PSD3: variants seen among roughly 807,000 people sequenced by gnomAD.
The protein encoded by PSD3 is PH and SEC7 domain-containing protein 3.
PSD3 carries 49 observed loss-of-function variants against 105.5 expected under a neutral mutation model. The ratio of observed to expected loss-of-function variants is 0.46; its 90% CI spans 0.37 to 0.59. The LOEUF is 0.59. PSD3 is among the 20% of genes least tolerant of loss of function. The pLI is 0.00. For missense variants in PSD3, 1,561 were observed against 1,263.8 expected (o/e 1.24, Z -3.57); for synonymous variants, 557 against 457.8 (o/e 1.22, Z -2.77).
intron 2 of PSD3, among the ~76,000 whole-genome samples, chr8:18,902,615 T>G (rs1819578437): frequency 6.6e-6 from 1 of 152,208 alleles, no homozygotes; most frequent in Non-Finnish European, 1.5e-5. Context: ...TGTGTTGATG[T>G]CTGGTGGAAC....
At chr8:18,638,990 A>C (rs571642635) in intron 10 of PSD3, among the ~76,000 whole-genome samples, 2 of 152,216 alleles carry the variant, frequency 1.3e-5, no homozygotes, top group South Asian at 4.1e-4. Flanking sequence ...GGCATTGACC[A>C]CTGCCCTTCC....
At chr8:18,906,643 C>T (rs1329240544) in intron 2 of PSD3, among the ~76,000 whole-genome samples, 1 of 152,078 alleles carries the variant, frequency 6.6e-6, no homozygotes, top group Non-Finnish European at 1.5e-5. Flanking sequence ...GTGGTAGTAT[C>T]ATATCCTAAA....
intron 1 of PSD3, among the ~76,000 whole-genome samples, chr8:19,024,027 T>C (rs1027906689): frequency 6.6e-6 from 1 of 152,218 alleles, no homozygotes; most frequent in African/African-American, 2.4e-5. Context: ...CCTGAAAAAT[T>C]ATCTGCATCC....
At chr8:18,843,104 G>C (rs1478106848) in intron 4 of PSD3, among the ~76,000 whole-genome samples, 1 of 152,092 alleles carries the variant, frequency 6.6e-6, no homozygotes, top group African/African-American at 2.4e-5. Flanking sequence ...AGTAGCAAGA[G>C]TTATTGCTCT....
intron 15 of PSD3, among the ~76,000 whole-genome samples, chr8:18,541,684 T>C (rs1800158174): frequency 6.6e-6 from 1 of 152,084 alleles, no homozygotes; most frequent in South Asian, 2.1e-4. Context: ...TTTCTCTCTC[T>C]TTAGAGAGAA....
chr8:18,656,170 G>A (rs1352241222), intron 9 of PSD3, among the ~76,000 whole-genome samples: 2 of 152,008 alleles, frequency 1.3e-5, no homozygotes, highest in African/African-American at 4.8e-5. Context: ...TGATTCTCTT[G>A]CTTCAGCCTC....
At chr8:18,866,009 C>A (rs757076302) in intron 4 of PSD3, among the ~76,000 whole-genome samples, 2 of 152,188 alleles carry the variant, frequency 1.3e-5, no homozygotes, top group African/African-American at 2.4e-5. Context: ...CATCTCTCGG[C>A]TTCACTTACA....
intron 15 of PSD3, 62 bp downstream of exon 15, chr8:18,556,147 T>G (rs1463335018): frequency 6.3e-7 from 1 of 1,582,376 alleles, no homozygotes; most frequent in Non-Finnish European, 8.6e-7. Flanking sequence ...AGATACCGCC[T>G]CATGGACAGA....
At chr8:18,657,810 T>C (rs1484526005) in intron 9 of PSD3, among the ~76,000 whole-genome samples, 2 of 152,234 alleles carry the variant, frequency 1.3e-5, no homozygotes, top group Non-Finnish European at 2.9e-5. Flanking sequence ...AAAGGTTCTT[T>C]AGATGCTACT....
At chr8:18,804,210 A>T (rs1336105491) in intron 6 of PSD3, 2 of 236,846 alleles carry the variant, frequency 8.4e-6, no homozygotes, top group African/African-American at 4.5e-5. Context: ...AAATGCTTCA[A>T]ATCAGAGATG....
At chr8:18,895,469 C>T (rs984492600) in intron 2 of PSD3, among the ~76,000 whole-genome samples, 1 of 152,214 alleles carries the variant, frequency 6.6e-6, no homozygotes, top group Non-Finnish European at 1.5e-5. Flanking sequence ...TTCCTATCAG[C>T]ATCTCTTGTC....
At chr8:18,778,826 A>T (rs1808338872) in intron 8 of PSD3, among the ~76,000 whole-genome samples, 1 of 152,034 alleles carries the variant, frequency 6.6e-6, no homozygotes, top group South Asian at 2.1e-4. Flanking sequence ...ATCGTGAATG[A>T]TCTTTTTATT....
At chr8:18,959,747 G>C (rs562632998) in intron 1 of PSD3, among the ~76,000 whole-genome samples, 1 of 152,244 alleles carries the variant, frequency 6.6e-6, no homozygotes, top group South Asian at 2.1e-4. Context: ...CACTGGCACA[G>C]CTAGACAAAC....
At chr8:18,914,371 A>G (rs1463552611) in intron 2 of PSD3, among the ~76,000 whole-genome samples, 6 of 152,178 alleles carry the variant, frequency 3.9e-5, no homozygotes, top group Admixed American at 1.3e-4. Context: ...TAGCCACAGT[A>G]ATTAAGCAAG....
intron 1 of PSD3, among the ~76,000 whole-genome samples, chr8:19,066,898 A>G (rs1829092820): frequency 6.6e-6 from 1 of 152,196 alleles, no homozygotes; most frequent in Non-Finnish European, 1.5e-5. Context: ...ATTCATTTCC[A>G]TAGCATCTTG....
At chr8:18,805,154 G>A (rs1811092410) in intron 4 of PSD3, among the ~76,000 whole-genome samples, 1 of 152,040 alleles carries the variant, frequency 6.6e-6, no homozygotes, top group South Asian at 2.1e-4. Context: ...ACTCCATACG[G>A]CTTTCACTTA....
At chr8:18,790,376 C>G (rs1809593482) in intron 8 of PSD3, among the ~76,000 whole-genome samples, 1 of 148,344 alleles carries the variant, frequency 6.7e-6, no homozygotes, top group Non-Finnish European at 1.5e-5. Flanking sequence ...GATCTCGGCT[C>G]ACTGCAAGCT....
intron 8 of PSD3, among the ~76,000 whole-genome samples, chr8:18,793,665 C>T (rs78593430): frequency 1.3e-5 from 2 of 152,258 alleles, no homozygotes; most frequent in South Asian, 2.1e-4. Flanking sequence ...AGAGAGAAAA[C>T]TGAATGCCAA....
At chr8:18,727,832 C>T (rs1401471139) in intron 9 of PSD3, among the ~76,000 whole-genome samples, 1 of 152,126 alleles carries the variant, frequency 6.6e-6, no homozygotes, top group East Asian at 1.9e-4. Flanking sequence ...CATTCAAAGT[C>T]CAAGTTTGTA....
Sources: allele counts gnomAD v4.1 joint callset (sites outside exome capture counted in the v4.1 genomes callset), GRCh38; gene constraint gnomAD v4.1.1; transcripts MANE v1.5; gene names NCBI Gene and HGNC (gene_info 2026-07-23, HGNC 2026-07-21).